The following MEX3C variants were observed in gnomAD, a reference collection of about 807,000 sequenced individuals.
The protein encoded by MEX3C is RNA-binding E3 ubiquitin-protein ligase MEX3C.
A neutral mutation model predicts 35.5 loss-of-function variants in MEX3C; 15 were observed. The observed-to-expected ratio is 0.42, with a 90% CI of 0.28 to 0.65. MEX3C has a LOEUF of 0.65. Among genes scored for constraint, MEX3C ranks in the 30% least tolerant of loss-of-function variants. The pLI is 0.20. For missense variants in MEX3C, 711 were observed against 842.8 expected (o/e 0.84, Z 1.94); for synonymous variants, 390 against 352.8 (o/e 1.11, Z -1.18).
chr18:51,193,149 C>T (rs1395984109), intron 1 of MEX3C: 1 of 152,120 alleles, frequency 6.6e-6, no homozygotes, highest in African/African-American at 2.4e-5. Flanking sequence ...ATATATTAAG[C>T]ACACTTACTA....
At chr18:51,194,440 C>T (rs1658214843) in intron 1 of MEX3C, 1 of 152,126 alleles carries the variant, frequency 6.6e-6, no homozygotes, top group African/African-American at 2.4e-5. Flanking sequence ...AAAAGAAAAA[C>T]TAAGGCTTTA....
At chr18:51,178,505 G>A (rs1912352044) in intron 1 of MEX3C, among the ~76,000 whole-genome samples, 1 of 151,776 alleles carries the variant, frequency 6.6e-6, no homozygotes, top group Non-Finnish European at 1.5e-5. Flanking sequence ...ACTTTTCAAA[G>A]ACCCTAACTT....
At chr18:51,196,257 C>G (rs1377464342) in intron 1 of MEX3C, 2 of 479,800 alleles carry the variant, frequency 4.2e-6, no homozygotes, top group Non-Finnish European at 7.1e-6. Flanking sequence ...CCTTTTACCA[C>G]CTCACTGAGG....
chr18:51,180,403 C>G (rs1418228901), intron 1 of MEX3C, among the ~76,000 whole-genome samples: 1 of 152,036 alleles, frequency 6.6e-6, no homozygotes, highest in Non-Finnish European at 1.5e-5. Flanking sequence ...GGTCTACACC[C>G]AAAAGGGTCA....
intron 1 of MEX3C, among the ~76,000 whole-genome samples, chr18:51,185,168 T>C (rs1057340194): frequency 6.6e-6 from 1 of 152,216 alleles, no homozygotes; most frequent in African/African-American, 2.4e-5. Context: ...GCAAGAAGCT[T>C]GAGGGATCCA....
In MEX3C at chr18:51,177,407, G is replaced by T. The variant is rs1390814422; in HGVS notation, c.924C>A (p.Asn308Lys). 3.7e-6 allele frequency: 6 copies of T among 1,613,808 alleles called. No individual in the cohort carries two copies. The highest frequency in any genetic ancestry group is 5.1e-6 in the Non-Finnish European group (6 of 1,179,864). Residue 308 changes from asparagine to lysine, a missense_variant, in exon 2 of 2, where the codon AAC becomes AAA. Asn to Lys is a moderately conservative substitution (Grantham distance 94). Around this residue, in one of 4 missense-constraint regions of MEX3C, gnomAD observed 83 missense variants for 179.1 expected, o/e 0.46. Coordinates refer to ENST00000406189, the MANE Select transcript of MEX3C (RefSeq NM_016626.5). The surrounding 1 kb of genome is among the most constrained non-coding windows in gnomAD (Gnocchi z 4.2). ...EHFSMIRASR[N>K]KNGPALGGLS... ...ATCCTCCCAGGGCAGGCCCATTTTT[G>T]TTTCGAGATGCACGAATCATGGAGA...
chr18:51,177,136 T>C lies in MEX3C; in HGVS notation c.1195A>G (p.Ile399Val). 6.2e-7 allele frequency: 1 copy of C among 1,613,924 alleles called. No homozygotes were observed. The highest frequency in any genetic ancestry group is 1.1e-5 in the South Asian group (1 of 91,086). Residue 399 changes from isoleucine to valine, a missense_variant, in exon 2 of 2, where the codon ATA becomes GTA. Physicochemically the swap from Ile to Val is conservative, Grantham distance 29. Transcript: ENST00000406189. The surrounding 1 kb of genome is among the most constrained non-coding windows in gnomAD (Gnocchi z 4.2). ...MHIAMRTGNY[I>V]ELNEENDFHY... is the part of the protein sequence containing the mutation. Reference sequence around the variant, plus strand: ...AAATCATTCTCTTCATTGAGCTCTATATAGTTTCCTGTACGCATGGCAATA... The same window carrying C: ...AAATCATTCTCTTCATTGAGCTCTACATAGTTTCCTGTACGCATGGCAATA...
At chr18:51,190,082 C>T (rs921650571) in intron 1 of MEX3C, among the ~76,000 whole-genome samples, 2 of 152,058 alleles carry the variant, frequency 1.3e-5, no homozygotes, top group Non-Finnish European at 2.9e-5. Context: ...CAGACTTGAT[C>T]CTCACAACAA....
intron 1 of MEX3C, 161 bp downstream of exon 1, chr18:51,196,406 C>G: frequency 7.2e-7 from 1 of 1,394,842 alleles, no homozygotes; most frequent in Non-Finnish European, 9.3e-7. Context: ...GCAAGGTGAC[C>G]CATCTTCACA....
intron 1 of MEX3C, among the ~76,000 whole-genome samples, chr18:51,184,198 C>G (rs1568233121): frequency 6.6e-6 from 1 of 151,924 alleles, no homozygotes; most frequent in South Asian, 2.1e-4. Flanking sequence ...CCTGCAACAC[C>G]CACCTCCCAC....
intron 1 of MEX3C, chr18:51,196,268 T>G: frequency 2.0e-6 from 1 of 511,068 alleles, no homozygotes; most frequent in Non-Finnish European, 3.3e-6. Flanking sequence ...CTCACTGAGG[T>G]TTCTGGTGCC....
intron 1 of MEX3C, among the ~76,000 whole-genome samples, chr18:51,184,559 G>T (rs539952290): frequency 3.3e-5 from 5 of 152,104 alleles, no homozygotes; most frequent in Non-Finnish European, 7.3e-5. Context: ...AAGAATTATT[G>T]TAAGAAGTAG....
rs1912258590 is a variant in MEX3C at position 51,174,607 on chromosome 18, C to CTCT, written c.*1741_*1743dup. On this transcript the variant is annotated 3_prime_UTR_variant, in exon 2 of 2. Coordinates refer to ENST00000406189, the MANE Select transcript of MEX3C (RefSeq NM_016626.5). ...AACTTTTAATATCAGAAAAATAAAA[C>CTCT]TCTTATAATTCTCTTTACAGCAAAT... is the stretch of plus-strand genomic sequence containing the variant. 1 of 152,566 alleles carries CTCT rather than the reference C, an allele frequency of 6.6e-6. No homozygotes were observed. Among genetic ancestry groups the CTCT allele is most frequent in the Non-Finnish European group, 1.5e-5 (1 of 68,022 alleles). 9.5% of individuals were successfully genotyped at this position (152,566 alleles called of 1,614,324 possible).
intron 1 of MEX3C, chr18:51,196,366 G>C (rs570331639): frequency 7.3e-6 from 9 of 1,234,102 alleles, no homozygotes; most frequent in African/African-American, 1.6e-5. Flanking sequence ...CTTTTTACCA[G>C]GCAAGACGGG....
chr18:51,193,223 AAAG>A (rs759574470), intron 1 of MEX3C: 18 of 152,196 alleles, frequency 1.2e-4, no homozygotes, highest in Non-Finnish European at 2.1e-4. Context: ...TGTACAATAA[AAAG>A]AAGCTAGAGA....
chr18:51,195,000 T>A (rs925537038), intron 1 of MEX3C: 2 of 152,224 alleles, frequency 1.3e-5, no homozygotes, highest in African/African-American at 4.8e-5. Flanking sequence ...TACACTATAG[T>A]TAGTGCCATT....
chr18:51,176,804 G>C lies in MEX3C; in HGVS notation c.1527C>G (p.Ile509Met), dbSNP rs138438024. The C allele has an allele frequency of 2.2e-5, 36 of 1,613,992 alleles. No individual in the cohort carries two copies. Among genetic ancestry groups the C allele is most frequent in the Non-Finnish European group, 3.0e-5 (35 of 1,179,886 alleles). ...GGTTAACTGGTTCAAATGGAGTCCA[G>C]ATAGTTTGAGCAGATGTTGGTAAAG... ...FDSLPTSAQT[I>M]WTPFEPVNPL... The change falls in exon 2 of 2, where the codon ATC (isoleucine) becomes ATG (methionine). Residue 509 changes from isoleucine (I) to methionine (M), a missense_variant. Ile to Met is a conservative substitution (Grantham distance 10, BLOSUM62 1). Transcript: ENST00000406189.
intron 1 of MEX3C, chr18:51,194,314 T>C (rs976394319): frequency 6.6e-6 from 1 of 152,186 alleles, no homozygotes; most frequent in African/African-American, 2.4e-5. Flanking sequence ...CTTTTAACAG[T>C]ATTGTCAACT....
chr18:51,186,978 A>C (rs1599254744), intron 1 of MEX3C, among the ~76,000 whole-genome samples: 1 of 152,228 alleles, frequency 6.6e-6, no homozygotes, highest in Non-Finnish European at 1.5e-5. Context: ...AAATTTCCCA[A>C]GAGGTTTTGT....
Sources: allele counts gnomAD v4.1 joint callset (sites outside exome capture counted in the v4.1 genomes callset), GRCh38; gene constraint gnomAD v4.1.1; regional missense constraint gnomAD v4.1.1; non-coding constraint Gnocchi (gnomAD v3.1); transcripts MANE v1.5; gene names NCBI Gene and HGNC (gene_info 2026-07-23, HGNC 2026-07-21).